Variants in CACYBP observed in about 807,000 individuals in gnomAD.
CACYBP encodes the protein calcyclin-binding protein.
In CACYBP, 11 loss-of-function variants were observed where a neutral mutation model predicts 29.6. That is an observed-to-expected ratio of 0.37 (90% CI 0.23 to 0.61). The LOEUF (loss-of-function observed/expected upper bound fraction) is 0.61. Ranked by LOEUF, CACYBP falls within the 20% of genes least tolerant of loss-of-function variation. The pLI, the probability that CACYBP is intolerant of heterozygous loss-of-function variation, is 0.65. For synonymous variants in CACYBP, 73 were observed against 88.3 expected, an observed-to-expected ratio of 0.83 and a Z score of 0.97; for missense variants, 163 against 260.7, an observed-to-expected ratio of 0.63 and a Z score of 2.58.
intron 1 of CACYBP, among the ~76,000 whole-genome samples, chr1:175,001,815 C>T (rs1055848906): frequency 6.6e-6 from 1 of 152,222 alleles, no homozygotes; most frequent in Non-Finnish European, 1.5e-5. Context: ...AATCTCGGCT[C>T]ACTGCAATCT....
At position 175,010,365 on chromosome 1, in the gene CACYBP, A is replaced by C. The variant is rs922035554; in HGVS notation, c.*286A>C. 3 of 210,406 alleles carry C rather than the reference A, an allele frequency of 1.4e-5. No homozygotes were observed. Among genetic ancestry groups the C allele is most frequent in the African/African-American group, 2.3e-5 (1 of 43,732 alleles). 13.0% of individuals were successfully genotyped at this position (210,406 alleles called of 1,614,324 possible). On this transcript the variant is annotated 3_prime_UTR_variant, in exon 6 of 6. Transcript: ENST00000367679. Reference sequence around the variant, plus strand: ...TATAAAAAGCAAGTCTTGCCCAATAAAAACGCTACATTGTGTGTATTTTTT... The same window carrying C: ...TATAAAAAGCAAGTCTTGCCCAATACAAACGCTACATTGTGTGTATTTTTT...
At position 174,999,954 on chromosome 1, in the gene CACYBP, T is replaced by A; in HGVS notation, c.-227T>A. ...GTGGGTGGAGCCAGGCTTGGCGGGCTGTGCGTGCTCGCGGTGGGCGGTGGC... is the reference window on the plus strand; with the variant it reads ...GTGGGTGGAGCCAGGCTTGGCGGGCAGTGCGTGCTCGCGGTGGGCGGTGGC... On this transcript the variant is annotated 5_prime_UTR_variant, in exon 1 of 6. Transcript: ENST00000367679. 1.7e-6 allele frequency: 1 copy of A among 602,898 alleles called. No individual in the cohort carries two copies. The highest frequency in any genetic ancestry group is 2.8e-6 in the Non-Finnish European group (1 of 353,124). 37.3% of individuals were successfully genotyped at this position (602,898 alleles called of 1,614,324 possible). A position where few individuals can be genotyped will look rare whatever the true frequency, so the allele number is the denominator to read the frequency against.
At chr1:175,004,568 C>T in intron 1 of CACYBP, 46 bp from the exon 2 acceptor site, 1 of 1,163,590 alleles carries the variant, frequency 8.6e-7, no homozygotes. Context: ...AATATCAAGC[C>T]ATTTCCTTAT....
chr1:175,002,909 A>G (rs534699110), intron 1 of CACYBP, among the ~76,000 whole-genome samples: 77 of 152,328 alleles, frequency 5.1e-4, no homozygotes, highest in African/African-American at 1.7e-3. Context: ...TAGACTTAAT[A>G]TATTTCATTT....
Position 175,012,005 on chromosome 1 carries a change from G to A in CACYBP, c.*1926G>A, listed in dbSNP as rs117590995. Among the ~76,000 whole-genome samples, 112 of 152,298 alleles carry A rather than the reference G, an allele frequency of 7.4e-4. 2 individuals carry two copies. The East Asian group carries it at 0.02, about 27-fold the overall frequency. On this transcript the variant is annotated 3_prime_UTR_variant, in exon 6 of 6. Coordinates refer to ENST00000367679, the MANE Select transcript of CACYBP (RefSeq NM_014412.3). ...TGTAACTCCAGCTACTCGGGAGACTGAAGGACAAGAATCACTTGAACCTGG... is the reference window on the plus strand; with the variant it reads ...TGTAACTCCAGCTACTCGGGAGACTAAAGGACAAGAATCACTTGAACCTGG...
chr1:175,000,226 C>T (rs930286702), intron 1 of CACYBP, 31 bp downstream of exon 1: 3 of 1,592,304 alleles, frequency 1.9e-6, no homozygotes, highest in Non-Finnish European at 2.6e-6. Flanking sequence ...TTCCTTATGC[C>T]CCCCGGCTGG....
chr1:175,004,598 T>C lies in CACYBP; in HGVS notation c.16-16T>C. 1 of 1,519,262 alleles carries C rather than the reference T, an allele frequency of 6.6e-7. No individual in the cohort carries two copies. Among genetic ancestry groups the C allele is most frequent in the South Asian group, 1.3e-5 (1 of 79,872 alleles). The allele number at this position is 1,519,262 out of a possible 1,614,324, so 94.1% of individuals were successfully genotyped here. On this transcript the variant is annotated splice_polypyrimidine_tract_variant and intron_variant, in intron 1 of 5. Transcript: ENST00000367679. The stretch of plus-strand genomic sequence containing the variant: ...CCTTATTTATCATAGCTAACTTATT[T>C]TTTGTCTTAACACAGCTACAGAAAG...
chr1:175,009,617 GCCTGGGCAAC>G (rs1672697809), intron 5 of CACYBP, among the ~76,000 whole-genome samples: 1 of 138,216 alleles, frequency 7.2e-6, no homozygotes, highest in Admixed American at 7.9e-5. Context: ...CTGCACTCCA[GCCTGGGCAAC>G]AGAGCAGGAC....
chr1:175,004,281 TC>T (rs1672561550), intron 1 of CACYBP, among the ~76,000 whole-genome samples: 1 of 152,134 alleles, frequency 6.6e-6, no homozygotes, highest in South Asian at 2.1e-4. Context: ...AATCTATGAA[TC>T]CTTTGTCAAA....
intron 3 of CACYBP, 34 bp from the exon 4 acceptor site, chr1:175,007,064 C>T (rs762764567): frequency 2.2e-6 from 3 of 1,371,022 alleles, no homozygotes; most frequent in Non-Finnish European, 2.1e-6. Context: ...TTTCATAGAA[C>T]TAGAAAGATG....
Position 175,010,284 on chromosome 1 carries a change from A to ATTAG in CACYBP, c.*207_*210dup. On this transcript the variant is annotated 3_prime_UTR_variant, in exon 6 of 6. Transcript: ENST00000367679. ...TAAACACTCCTGCAAAGATGGTTTTATTAGTACCCTGGTCATTTTGTTCAA... is the reference window on the plus strand; with the variant it reads ...TAAACACTCCTGCAAAGATGGTTTTATTAGTTAGTACCCTGGTCATTTTGTTCAA... The ATTAG allele has an allele frequency of 2.5e-6, 1 of 407,564 alleles. No homozygotes were observed. Among genetic ancestry groups the ATTAG allele is most frequent in the Admixed American group, 4.3e-5 (1 of 23,450 alleles). 25.2% of individuals were successfully genotyped at this position (407,564 alleles called of 1,614,324 possible). A position where few individuals can be genotyped will look rare whatever the true frequency, so the allele number is the denominator to read the frequency against.
In CACYBP at chr1:175,008,784, G is replaced by A. The variant is rs565791192; in HGVS notation, c.530+78G>A. ...GGATTTTTAATAGTTTGTCTTTATG[G>A]ATAATGTATTTCTGCTTTCAACTGT... On this transcript the variant is annotated intron_variant, in intron 5 of 5. Coordinates refer to ENST00000367679, the MANE Select transcript of CACYBP (RefSeq NM_014412.3). The A allele has an allele frequency of 2.7e-3, 2,099 of 769,600 alleles. 7 individuals carry two copies. The highest frequency in any genetic ancestry group is 3.3e-3 in the Non-Finnish European group (1,424 of 429,632). 47.7% of individuals were successfully genotyped at this position (769,600 alleles called of 1,614,324 possible). A position where few individuals can be genotyped will look rare whatever the true frequency, so the allele number is the denominator to read the frequency against.
intron 1 of CACYBP, among the ~76,000 whole-genome samples, chr1:175,001,589 TTTG>T (rs1236513784): frequency 1.3e-5 from 2 of 152,240 alleles, no homozygotes; most frequent in African/African-American, 4.8e-5. Flanking sequence ...TATGTGGCCT[TTTG>T]TTTTTTGGCT....
At chr1:175,000,254 C>T (rs1672436223) in intron 1 of CACYBP, 59 bp downstream of exon 1, 1 of 1,556,286 alleles carries the variant, frequency 6.4e-7, no homozygotes, top group Admixed American at 1.9e-5. Flanking sequence ...GCGCCAGCCT[C>T]CCGCCCTACC....
rs1056734461 is a variant in CACYBP, at chr1:175,011,295, CATG to C, written c.*1218_*1220del. 2.0e-5 allele frequency: 3 copies of C among 151,944 alleles called. No individual in the cohort carries two copies. Among genetic ancestry groups the C allele is most frequent in the African/African-American group, 7.3e-5 (3 of 41,348 alleles). 9.4% of individuals were successfully genotyped at this position (151,944 alleles called of 1,614,324 possible). A position where few individuals can be genotyped will look rare whatever the true frequency, so the allele number is the denominator to read the frequency against. On this transcript the variant is annotated 3_prime_UTR_variant, in exon 6 of 6. Coordinates refer to ENST00000367679, the MANE Select transcript of CACYBP (RefSeq NM_014412.3). ...TATGCCTCTGTAATTGGGGTTGACA[CATG>C]AACAGAATAGCAGACACAATGCATA...
At chr1:175,005,021 A>G (rs905742274) in intron 2 of CACYBP, 188 bp downstream of exon 2, 1 of 627,880 alleles carries the variant, frequency 1.6e-6, no homozygotes, top group African/African-American at 1.8e-5. Context: ...GAAGCTGTTA[A>G]CAAGAGTAAG....
chr1:175,008,176 C>T (rs1448359366), intron 4 of CACYBP, among the ~76,000 whole-genome samples: 1 of 152,122 alleles, frequency 6.6e-6, no homozygotes, highest in Non-Finnish European at 1.5e-5. Flanking sequence ...TCCCCGACCC[C>T]TCTTATTATA....
At chr1:175,009,837 T>TA in intron 5 of CACYBP, 86 bp from the exon 6 acceptor site, 1 of 1,017,762 alleles carries the variant, frequency 9.8e-7, no homozygotes, top group Middle Eastern at 2.1e-4. Context: ...CTTATCCCTC[T>TA]ACTTCCTGCC....
At chr1:175,006,129 A>T (rs1672615698) in intron 2 of CACYBP, among the ~76,000 whole-genome samples, 1 of 152,210 alleles carries the variant, frequency 6.6e-6, no homozygotes, top group African/African-American at 2.4e-5. Flanking sequence ...ATTTATATAT[A>T]TGTCTTTTAT....
Sources: allele counts gnomAD v4.1 joint callset (sites outside exome capture counted in the v4.1 genomes callset), GRCh38; gene constraint gnomAD v4.1.1; transcripts MANE v1.5; gene names NCBI Gene and HGNC (gene_info 2026-07-23, HGNC 2026-07-21).